LOC400499: variants seen among roughly 807,000 people sequenced by gnomAD.
At chr16:11,520,289 C>G in the LOC400499 span, among the ~76,000 whole-genome samples, 7 of 152,084 alleles carry the variant, frequency 4.6e-5, no homozygotes, top group East Asian at 1.9e-4. Context: ...AAACCAGACA[C>G]AAAGGAAAAC....
the LOC400499 span, among the ~76,000 whole-genome samples, chr16:11,482,878 C>A: frequency 1.5e-4 from 22 of 150,434 alleles, no homozygotes; most frequent in Middle Eastern, 0.014. Flanking sequence ...CATGACAGAA[C>A]CAGACCTCAA....
chr16:11,385,372 C>T, the LOC400499 span: 21 of 1,232,256 alleles, frequency 1.7e-5, no homozygotes, highest in South Asian at 2.5e-4. Context: ...CATACCCGGC[C>T]GTCGAAGGTC....
the LOC400499 span, among the ~76,000 whole-genome samples, chr16:11,426,870 C>T: frequency 3.9e-5 from 5 of 128,330 alleles, no homozygotes; most frequent in Non-Finnish European, 7.8e-5. Context: ...GCACTTCAGT[C>T]TGGGCGACAG....
the LOC400499 span, chr16:11,515,804 G>A: frequency 5.7e-5 from 14 of 247,298 alleles, no homozygotes; most frequent in Admixed American, 1.5e-4. Flanking sequence ...GGAGGAGGAA[G>A]AGGAAGAAGA....
chr16:11,376,317 C>G, the LOC400499 span, among the ~76,000 whole-genome samples: 7 of 151,538 alleles, frequency 4.6e-5, no homozygotes, highest in Admixed American at 3.3e-4. Context: ...AGTTTTAGCT[C>G]TTACAGTTAG....
chr16:11,491,740 G>C, the LOC400499 span: 1 of 398,324 alleles, frequency 2.5e-6, no homozygotes, highest in African/African-American at 2.1e-5. Context: ...CGCCGCACCT[G>C]GGCAAACACC....
chr16:11,382,332 G>T, the LOC400499 span, among the ~76,000 whole-genome samples: 1 of 152,198 alleles, frequency 6.6e-6, no homozygotes, highest in Non-Finnish European at 1.5e-5. Context: ...GGTTTTAAAT[G>T]TCTGAATGGC....
At chr16:11,461,591 T>C in the LOC400499 span, among the ~76,000 whole-genome samples, 1 of 152,174 alleles carries the variant, frequency 6.6e-6, no homozygotes, top group South Asian at 2.1e-4. Context: ...CATCATGGGT[T>C]GTTGGGTAAA....
chr16:11,384,459 C>T, the LOC400499 span: 7 of 441,682 alleles, frequency 1.6e-5, no homozygotes, highest in East Asian at 7.1e-5. Flanking sequence ...CCACCACCTC[C>T]ACCCCGGACT....
the LOC400499 span, among the ~76,000 whole-genome samples, chr16:11,468,270 G>A: frequency 2.0e-5 from 3 of 152,194 alleles, no homozygotes; most frequent in Non-Finnish European, 4.4e-5. Flanking sequence ...CAGTACTTCT[G>A]CAGGAAATTT....
the LOC400499 span, chr16:11,392,458 C>T: frequency 2.5e-6 from 1 of 399,048 alleles, no homozygotes; most frequent in Non-Finnish European, 4.4e-6. Flanking sequence ...CGGCTGTCCG[C>T]CCATGGGCAC....
the LOC400499 span, chr16:11,457,043 G>A: frequency 2.0e-6 from 3 of 1,515,008 alleles, no homozygotes; most frequent in African/African-American, 1.4e-5. Flanking sequence ...GCACAAACTG[G>A]AGAATGCCCA....
the LOC400499 span, among the ~76,000 whole-genome samples, chr16:11,485,406 T>C: frequency 6.6e-6 from 1 of 152,142 alleles, no homozygotes; most frequent in East Asian, 1.9e-4. Context: ...CAGACTGGAA[T>C]GTGTGTCTTC....
the LOC400499 span, among the ~76,000 whole-genome samples, chr16:11,373,315 C>A: frequency 4.7e-3 from 714 of 152,314 alleles, 6 homozygotes; most frequent in African/African-American, 0.017. Context: ...GCCCTTCTAT[C>A]CCTCATCTGC....
the LOC400499 span, among the ~76,000 whole-genome samples, chr16:11,397,777 G>C: frequency 2.1e-5 from 2 of 96,596 alleles, no homozygotes; most frequent in Admixed American, 1.2e-4. Context: ...GAGGGATGGA[G>C]GGAGGGAGGG....
At chr16:11,379,446 T>G in the LOC400499 span, among the ~76,000 whole-genome samples, 1 of 152,392 alleles carries the variant, frequency 6.6e-6, no homozygotes, top group East Asian at 1.9e-4. Flanking sequence ...AGGTCGATTT[T>G]GTCTGATATT....
At chr16:11,489,654 G>C in the LOC400499 span, among the ~76,000 whole-genome samples, 1 of 152,110 alleles carries the variant, frequency 6.6e-6, no homozygotes, top group Non-Finnish European at 1.5e-5. Context: ...ATTCCCACTG[G>C]ACAATATATC....
chr16:11,444,310 G>A, the LOC400499 span, among the ~76,000 whole-genome samples: 31 of 152,220 alleles, frequency 2.0e-4, no homozygotes, highest in African/African-American at 7.5e-4. Flanking sequence ...AGGTGTGAGG[G>A]TCACTTGAGC....
At chr16:11,426,271 A>G in the LOC400499 span, among the ~76,000 whole-genome samples, 1 of 152,124 alleles carries the variant, frequency 6.6e-6, no homozygotes, top group African/African-American at 2.4e-5. Context: ...CCCTGTCTCT[A>G]CTAAGAATAT....
Sources: allele counts gnomAD v4.1 joint callset (sites outside exome capture counted in the v4.1 genomes callset), GRCh38; gene constraint gnomAD v4.1.1; transcripts MANE v1.5.